The following NR3C1 variants were observed in gnomAD, a reference collection of about 807,000 sequenced individuals.
The protein encoded by NR3C1 is nuclear receptor subfamily 3 group C member 1, also known as glucocorticoid receptor.
Under a neutral mutation model 74.0 loss-of-function variants are expected in NR3C1, and 14 were observed. That is an observed-to-expected ratio of 0.19 (90% CI 0.12 to 0.30). NR3C1 has a LOEUF of 0.30. Among genes scored for constraint, NR3C1 ranks in the 10% least tolerant of loss-of-function variants. NR3C1 has a pLI of 1.00. For synonymous variants in NR3C1, 308 were observed against 332.5 expected (o/e 0.93, Z 0.80); for missense variants, 695 against 909.8 (o/e 0.76, Z 3.04).
intron 2 of NR3C1, among the ~76,000 whole-genome samples, chr5:143,360,393 T>C (rs756630832): frequency 1.2e-4 from 18 of 152,224 alleles, no homozygotes; most frequent in Non-Finnish European, 2.1e-4. Context: ...ACTGCCTTTT[T>C]TTAGAGAGGA....
At chr5:143,311,786 ACGTTTTTTT>A (rs1260939979) in intron 3 of NR3C1, among the ~76,000 whole-genome samples, 2 of 142,728 alleles carry the variant, frequency 1.4e-5, no homozygotes, top group Non-Finnish European at 3.0e-5. Context: ...TGCCTGGATA[ACGTTTTTTT>A]TTTTTTTTTT....
At chr5:143,423,949 GGAGGGGGGATAAA>G (rs1751374146) in intron 1 of NR3C1, among the ~76,000 whole-genome samples, 1 of 151,660 alleles carries the variant, frequency 6.6e-6, no homozygotes, top group Admixed American at 6.6e-5. Context: ...AGGGTAGTGG[GGAGGGGGGATAAA>G]GAGGGGGTGT....
chr5:143,343,704 G>A (rs1186797506), intron 2 of NR3C1, among the ~76,000 whole-genome samples: 1 of 152,134 alleles, frequency 6.6e-6, no homozygotes, highest in Non-Finnish European at 1.5e-5. Flanking sequence ...GTTACTCTGT[G>A]TGTATTTATG....
chr5:143,305,384 C>T (rs1046964588), intron 4 of NR3C1, among the ~76,000 whole-genome samples: 1 of 152,168 alleles, frequency 6.6e-6, no homozygotes, highest in Non-Finnish European at 1.5e-5. Flanking sequence ...CCTAGCAATC[C>T]TATTGCTGGG....
At chr5:143,331,310 G>A (rs990358373) in intron 2 of NR3C1, among the ~76,000 whole-genome samples, 1 of 152,182 alleles carries the variant, frequency 6.6e-6, no homozygotes, top group Non-Finnish European at 1.5e-5. Context: ...GCAGAGAAAG[G>A]GAAATGCTTA....
At chr5:143,297,075 C>CAAAAAAAAAAAAAAA (rs766243522) in intron 6 of NR3C1, among the ~76,000 whole-genome samples, 2 of 60,632 alleles carry the variant, frequency 3.3e-5, no homozygotes, top group African/African-American at 1.2e-4. Flanking sequence ...AGACTCGTCT[C>CAAAAAAAAAAAAAAA]AAAAAAAAAA....
At chr5:143,406,459 G>T (rs1428286922), upstream of NR3C1, among the ~76,000 whole-genome samples, 1 of 149,086 alleles carries the variant, frequency 6.7e-6, no homozygotes, top group Non-Finnish European at 1.5e-5. Context: ...ATCTAAATGT[G>T]CCTGTTAATT....
intron 4 of NR3C1, among the ~76,000 whole-genome samples, chr5:143,308,327 A>T (rs1018771917): frequency 6.6e-6 from 1 of 152,114 alleles, no homozygotes; most frequent in African/African-American, 2.4e-5. Context: ...ATTAAAAAAA[A>T]ATCAGCTGGG....
chr5:143,287,084 A>G (rs1242086147), intron 7 of NR3C1, among the ~76,000 whole-genome samples: 5 of 152,116 alleles, frequency 3.3e-5, no homozygotes, highest in African/African-American at 1.2e-4. Context: ...AAACATCTAT[A>G]TAAGAAAATA....
Position 143,303,856 on chromosome 5 carries a change from G to A in NR3C1, c.1469-3093C>T, listed in dbSNP as rs190603416. 1.0e-3 allele frequency among the ~76,000 whole-genome samples: 157 copies of A among 152,138 alleles called. 1 individual carries two copies. The highest frequency in any genetic ancestry group is 3.7e-3 in the African/African-American group (152 of 41,532). ...TCTCAATAGATGCAGAAAAAGTTGC[G>A]ATAAAATCCAGCATCTCTTCATGAT... is the stretch of plus-strand genomic sequence containing the variant. On this transcript the variant is annotated intron_variant, in intron 4 of 8. Transcript: ENST00000394464.
At chr5:143,389,271 T>C (rs1837818854) in intron 2 of NR3C1, among the ~76,000 whole-genome samples, 1 of 152,176 alleles carries the variant, frequency 6.6e-6, no homozygotes, top group African/African-American at 2.4e-5. Flanking sequence ...TGCTTGCTGC[T>C]GCCAAGTGCA....
intron 2 of NR3C1, among the ~76,000 whole-genome samples, chr5:143,391,346 C>A (rs1297245337): frequency 6.6e-6 from 1 of 152,102 alleles, no homozygotes; most frequent in Non-Finnish European, 1.5e-5. Context: ...GTTTCACAAT[C>A]CTCCCAACTT....
chr5:143,315,414 C>T (rs575079474), intron 2 of NR3C1, among the ~76,000 whole-genome samples: 38 of 152,212 alleles, frequency 2.5e-4, no homozygotes, highest in African/African-American at 8.4e-4. Flanking sequence ...AACATGGATG[C>T]TGGCAACCTG....
intron 2 of NR3C1, among the ~76,000 whole-genome samples, chr5:143,370,722 C>A (rs1430118691): frequency 6.6e-6 from 1 of 151,738 alleles, no homozygotes; most frequent in African/African-American, 2.4e-5. Context: ...ATTTGAGCAG[C>A]TTCATGATAG....
rs1273668179 is a variant in NR3C1 at position 143,400,352 on chromosome 5, A to G, written c.488T>C (p.Val163Ala). ...EKEFPKTHSD[V>A]SSEQQHLKGQ... ...CTTCAAATGTTGCTGTTCTGAAGAT[A>G]CATCAGAGTGAGTTTTTGGAAACTC... The change falls in exon 2 of 9, where the codon GTA becomes GCA. Residue 163 changes from valine (V) to alanine (A), a missense_variant. Val to Ala is a moderately conservative substitution (Grantham distance 64, BLOSUM62 0). Transcript: ENST00000394464. 3 of 1,614,120 alleles carry G rather than the reference A, an allele frequency of 1.9e-6. No homozygotes were observed. Among genetic ancestry groups the G allele is most frequent in the Non-Finnish European group, 2.5e-6 (3 of 1,180,010 alleles).
chr5:143,422,542 G>A (rs530910230), intron 1 of NR3C1, among the ~76,000 whole-genome samples: 2 of 152,110 alleles, frequency 1.3e-5, no homozygotes, highest in Non-Finnish European at 2.9e-5. Context: ...TGGTCATGAG[G>A]GCAGAGCCCT....
At chr5:143,386,350 G>T (rs1317657517) in intron 2 of NR3C1, among the ~76,000 whole-genome samples, 12 of 152,142 alleles carry the variant, frequency 7.9e-5, no homozygotes, top group Non-Finnish European at 1.5e-5. Flanking sequence ...ACATAGAAAA[G>T]GGTGTTTATT....
intron 2 of NR3C1, among the ~76,000 whole-genome samples, chr5:143,323,390 A>G (rs1823808198): frequency 6.6e-6 from 1 of 152,168 alleles, no homozygotes; most frequent in Non-Finnish European, 1.5e-5. Flanking sequence ...AACCCCTGAT[A>G]AACCCATGAG....
Position 143,300,375 on chromosome 5 carries a change from T to C in NR3C1, c.1747+110A>G. 1 of 1,357,276 alleles carries C rather than the reference T, an allele frequency of 7.4e-7. No individual in the cohort carries two copies. The highest frequency in any genetic ancestry group is 1.0e-6 in the Non-Finnish European group (1 of 954,102). 84.1% of individuals were successfully genotyped at this position (1,357,276 alleles called of 1,614,324 possible). A position where few individuals can be genotyped will look rare whatever the true frequency, so the allele number is the denominator to read the frequency against. The stretch of plus-strand genomic sequence containing the variant: ...CTCTCCCCTTCATAGTCCCCAGAAC[T>C]AAGAGAAACAAGATAAGCCATGGGC... On this transcript the variant is annotated intron_variant, in intron 5 of 8. Coordinates refer to ENST00000394464, the MANE Select transcript of NR3C1 (RefSeq NM_000176.3). This position sits in a 1 kb window ranked among gnomAD's most constrained non-coding sequence, Gnocchi z 5.2.
Sources: gnomAD v4.1 joint callset for allele counts (sites outside exome capture counted in the v4.1 genomes callset) on GRCh38, gnomAD v4.1.1 for gene constraint, Gnocchi (gnomAD v3.1) non-coding constraint, MANE v1.5 for transcripts, NCBI Gene and HGNC (gene_info 2026-07-23, HGNC 2026-07-21) for gene names.